TMEM132E: variants seen among roughly 807,000 people sequenced by gnomAD.
TMEM132E encodes transmembrane protein 132E.
In TMEM132E, 49 loss-of-function variants were observed where a neutral mutation model predicts 78.5. That is an observed-to-expected ratio of 0.62 (90% CI 0.50 to 0.79). TMEM132E has a LOEUF of 0.79. TMEM132E is among the 30% of genes least tolerant of loss of function. The pLI is 0.00. For missense variants in TMEM132E, 1,403 were observed against 1,470.9 expected (o/e 0.95, Z 0.75); for synonymous variants, 715 against 670.6 (o/e 1.07, Z -1.02).
At position 34,626,214 on chromosome 17, in the gene TMEM132E, C is replaced by T. The variant is rs1023296725; in HGVS notation, c.155C>T (p.Thr52Met). 1.2e-5 allele frequency: 19 copies of T among 1,579,172 alleles called. No individual in the cohort carries two copies. Among genetic ancestry groups the T allele is most frequent in the Non-Finnish European group, 1.5e-5 (17 of 1,163,052 alleles). The part of the protein sequence containing the change: ...VLPVSYRLSH[T>M]RLAFFLREAR... ...CCAGTCAGCTACCGCCTGTCGCACA[C>T]GCGGCTGGCCTTCTTCCTGCGGGAG... The change falls in exon 2 of 9, where the codon ACG becomes ATG. Residue 52 changes from threonine (T) to methionine (M), a missense_variant. This residue lies in a region of TMEM132E where 511 missense variants were observed against 499.0 expected (regional missense o/e 1.02). Transcript: ENST00000631683.
Position 34,626,501 on chromosome 17 carries a change from G to A in TMEM132E, c.442G>A (p.Val148Ile), listed in dbSNP as rs1567719582. 9 of 1,610,552 alleles carry A rather than the reference G, an allele frequency of 5.6e-6. No homozygotes were observed. Among genetic ancestry groups the A allele is most frequent in the Admixed American group, 1.7e-5 (1 of 59,984 alleles). Residue 148 changes from valine to isoleucine, a missense_variant, in exon 2 of 9, where the codon GTA (valine) becomes ATA (isoleucine). Val to Ile is a conservative substitution (Grantham distance 29). This residue lies in a region of TMEM132E where 511 missense variants were observed against 499.0 expected (regional missense o/e 1.02). Transcript: ENST00000631683. ...SQPVVQVLFY[V>I]AGRDWDDFGV... ...GCCCGTGGTCCAGGTGCTGTTCTACGTAGCCGGCCGGGACTGGGACGACTT... is the reference window on the plus strand; with the variant it reads ...GCCCGTGGTCCAGGTGCTGTTCTACATAGCCGGCCGGGACTGGGACGACTT...
chr17:34,605,784 C>T (rs1476878814), intron 1 of TMEM132E, among the ~76,000 whole-genome samples: 8 of 152,188 alleles, frequency 5.3e-5, no homozygotes, highest in Non-Finnish European at 1.2e-4. Flanking sequence ...GTTGGACTCC[C>T]AGCTGCTGAT....
At chr17:34,597,669 G>T (rs907945886) in intron 1 of TMEM132E, among the ~76,000 whole-genome samples, 5 of 152,132 alleles carry the variant, frequency 3.3e-5, no homozygotes, top group African/African-American at 4.8e-5. Context: ...CCACCATCAT[G>T]ATCTTCATGA....
intron 1 of TMEM132E, among the ~76,000 whole-genome samples, chr17:34,596,608 T>A (rs748749014): frequency 6.6e-6 from 1 of 152,114 alleles, no homozygotes; most frequent in Non-Finnish European, 1.5e-5. Flanking sequence ...TCTCCTCATG[T>A]GTCTTAGCCC....
chr17:34,586,291 G>GTT (rs1208786866), intron 1 of TMEM132E, among the ~76,000 whole-genome samples: 1 of 152,008 alleles, frequency 6.6e-6, no homozygotes, highest in South Asian at 2.1e-4. Flanking sequence ...TTGTGTGTGT[G>GTT]TGTGTGTGTG....
At chr17:34,594,178 TG>T (rs1209541574) in intron 1 of TMEM132E, among the ~76,000 whole-genome samples, 1 of 152,170 alleles carries the variant, frequency 6.6e-6, no homozygotes, top group Non-Finnish European at 1.5e-5. Context: ...ATCTCTGTTT[TG>T]TTCACTGCTG....
At chr17:34,611,215 C>G (rs537075696) in intron 1 of TMEM132E, among the ~76,000 whole-genome samples, 1 of 152,152 alleles carries the variant, frequency 6.6e-6, no homozygotes, top group South Asian at 2.1e-4. Context: ...ATGCCCAGAC[C>G]TGGGGGTGTG....
At chr17:34,632,270 C>T (rs1284716526) in intron 5 of TMEM132E, among the ~76,000 whole-genome samples, 1 of 152,196 alleles carries the variant, frequency 6.6e-6, no homozygotes. Flanking sequence ...TCAACTTCCT[C>T]CCTGCCCAGT....
chr17:34,584,702 G>A (rs914222542), intron 1 of TMEM132E, among the ~76,000 whole-genome samples: 2 of 152,200 alleles, frequency 1.3e-5, no homozygotes, highest in Admixed American at 6.5e-5. Context: ...TGGGGTAGAG[G>A]GCAGAAGAGG....
intron 1 of TMEM132E, among the ~76,000 whole-genome samples, chr17:34,622,711 A>G (rs1906998975): frequency 6.6e-6 from 1 of 152,196 alleles, no homozygotes; most frequent in Non-Finnish European, 1.5e-5. Flanking sequence ...TCATTCTTTC[A>G]ACAAAAATAT....
intron 1 of TMEM132E, among the ~76,000 whole-genome samples, chr17:34,605,359 G>A (rs1038918558): frequency 6.6e-6 from 1 of 152,208 alleles, no homozygotes; most frequent in Admixed American, 6.5e-5. Flanking sequence ...CCCTCAGTGA[G>A]TGGGGTCAGC....
intron 1 of TMEM132E, among the ~76,000 whole-genome samples, chr17:34,595,510 A>G (rs1906025598): frequency 1.3e-5 from 2 of 152,140 alleles, no homozygotes; most frequent in South Asian, 4.1e-4. Context: ...GCCTGTGTGT[A>G]CTCTGAATTC....
Position 34,638,284 on chromosome 17 carries a change from G to T in TMEM132E, c.*52G>T. ...CCCCCCCCCAACGGGGTCAGCTCGG[G>T]GTAGGACACAGCCGGGACCCCGGTT... On this transcript the variant is annotated 3_prime_UTR_variant, in exon 9 of 9. Transcript: ENST00000631683. 6.8e-7 allele frequency: 1 copy of T among 1,463,174 alleles called. No individual in the cohort carries two copies. The highest frequency in any genetic ancestry group is 1.4e-5 in the South Asian group (1 of 70,196). 90.6% of individuals were successfully genotyped at this position (1,463,174 alleles called of 1,614,324 possible).
chr17:34,634,981 T>C lies in TMEM132E; in HGVS notation c.1871T>C (p.Val624Ala). 2 of 1,612,112 alleles carry C rather than the reference T, an allele frequency of 1.2e-6. No homozygotes were observed. Residue 624 changes from valine (V) to alanine (A), a missense_variant, in exon 7 of 9, where the codon GTC becomes GCC. Transcript: ENST00000631683. ...TMLGPDWLVE[V>A]TDLVSDFMRV... is the part of the protein sequence containing the mutation. ...TTAGGCCCGGACTGGCTGGTGGAGG[T>C]CACCGACCTAGTCAGTGACTTCATG...
intron 4 of TMEM132E, 54 bp downstream of exon 4, chr17:34,629,258 C>T: frequency 5.1e-6 from 8 of 1,570,532 alleles, no homozygotes; most frequent in Non-Finnish European, 6.9e-6. Flanking sequence ...CATGTGTGCA[C>T]ATTTGTGTGA....
intron 1 of TMEM132E, 88 bp downstream of exon 1, chr17:34,581,231 A>G (rs878987082): frequency 1.5e-5 from 17 of 1,156,162 alleles, no homozygotes; most frequent in Non-Finnish European, 1.8e-5. Flanking sequence ...GAGCACCCAC[A>G]CCCCCTGGAC....
Position 34,626,274 on chromosome 17 carries a change from C to G in TMEM132E, c.215C>G (p.Ser72Cys). 1.2e-6 allele frequency: 2 copies of G among 1,607,776 alleles called. No individual in the cohort carries two copies. The highest frequency in any genetic ancestry group is 1.7e-6 in the Non-Finnish European group (2 of 1,177,564). The part of the protein sequence containing the change: ...RPPSPAVANS[S>C]LQRSEPFVVF... ...CCGTCACCCGCGGTCGCCAACAGCT[C>G]TCTGCAGCGCTCCGAGCCCTTCGTG... The change falls in exon 2 of 9, where the codon TCT (serine) becomes TGT (cysteine). Residue 72 changes from serine (S) to cysteine (C), a missense_variant. Transcript: ENST00000631683.
chr17:34,586,112 G>GAGCACACGCCTCTCTCCCCA (rs1186136094), intron 1 of TMEM132E, among the ~76,000 whole-genome samples: 3 of 151,834 alleles, frequency 2.0e-5, no homozygotes, highest in Middle Eastern at 6.8e-3. Context: ...TTCTCTGTCA[G>GAGCACACGCCTCTCTCCCCA]AGCACACGCC....
intron 1 of TMEM132E, among the ~76,000 whole-genome samples, chr17:34,617,595 A>C (rs1567717230): frequency 6.6e-6 from 1 of 152,232 alleles, no homozygotes; most frequent in Non-Finnish European, 1.5e-5. Flanking sequence ...TTATTTAATC[A>C]CAACTCTGTG....
Sources: allele counts gnomAD v4.1 joint callset (sites outside exome capture counted in the v4.1 genomes callset), GRCh38; gene constraint gnomAD v4.1.1; regional missense constraint gnomAD v4.1.1; transcripts MANE v1.5; gene names NCBI Gene and HGNC (gene_info 2026-07-23, HGNC 2026-07-21).